The following AGBL1 variants were observed in gnomAD, a reference collection of about 807,000 sequenced individuals.
The protein encoded by AGBL1 is cytosolic carboxypeptidase 4.
In AGBL1, 130 loss-of-function variants were observed where a neutral mutation model predicts 118.9. The ratio of observed to expected loss-of-function variants is 1.09; its 90% CI spans 0.95 to 1.26. The LOEUF (loss-of-function observed/expected upper bound fraction) is 1.26. Ranked by LOEUF, AGBL1 falls within the 50% of genes most tolerant of loss-of-function variation. AGBL1 has a pLI of 0.00. For synonymous variants in AGBL1, 555 were observed against 478.9 expected, an observed-to-expected ratio of 1.16 and a Z score of -2.08; for missense variants, 1,584 against 1,298.1, an observed-to-expected ratio of 1.22 and a Z score of -3.38.
intron 17 of AGBL1, among the ~76,000 whole-genome samples, chr15:86,356,411 A>G (rs927398207): frequency 6.6e-6 from 1 of 152,184 alleles, no homozygotes; most frequent in Admixed American, 6.5e-5. Context: ...ATGAAAAAAA[A>G]TAGCTAAGGG....
chr15:86,975,730 A>G (rs1015050641), intron 23 of AGBL1, among the ~76,000 whole-genome samples: 7 of 151,954 alleles, frequency 4.6e-5, no homozygotes, highest in Non-Finnish European at 1.0e-4. Context: ...ACCATCCCAC[A>G]CTCAACCTGT....
chr15:86,856,395 A>G (rs1325276170), intron 22 of AGBL1, among the ~76,000 whole-genome samples: 1 of 152,220 alleles, frequency 6.6e-6, no homozygotes, highest in Non-Finnish European at 1.5e-5. Context: ...ATGGAAAAAA[A>G]CCTTATCTAC....
intron 18 of AGBL1, among the ~76,000 whole-genome samples, chr15:86,456,622 TC>T: frequency 6.6e-6 from 1 of 152,216 alleles, no homozygotes; most frequent in Non-Finnish European, 1.5e-5. Flanking sequence ...GGGGCAATAG[TC>T]CCCAAGGAGA....
At chr15:86,936,303 A>G (rs1003470163) in intron 23 of AGBL1, among the ~76,000 whole-genome samples, 1 of 152,094 alleles carries the variant, frequency 6.6e-6, no homozygotes, top group African/African-American at 2.4e-5. Context: ...CAACAGATAA[A>G]CAAGAAAAAA....
intron 22 of AGBL1, among the ~76,000 whole-genome samples, chr15:86,700,956 G>A (rs1160520565): frequency 1.3e-5 from 2 of 152,138 alleles, no homozygotes; most frequent in African/African-American, 4.8e-5. Context: ...GTGAAATGCT[G>A]TGAATCTGAG....
chr15:86,930,523 A>T (rs566379154), intron 23 of AGBL1, among the ~76,000 whole-genome samples: 3 of 152,156 alleles, frequency 2.0e-5, no homozygotes, highest in Non-Finnish European at 2.9e-5. Context: ...AGAGGTCATC[A>T]TTTCAATTTG....
rs117616069 is a variant in AGBL1 at position 86,658,972 on chromosome 15, G to A, written c.2995-15301G>A. 5.3e-3 allele frequency among the ~76,000 whole-genome samples: 810 copies of A among 152,226 alleles called. 4 individuals are homozygous for A. The highest frequency in any genetic ancestry group is 7.5e-3 in the Non-Finnish European group (512 of 68,014). On this transcript the variant is annotated intron_variant, in intron 21 of 22. Transcript: ENST00000614907. ...TTATAGTAACGGTCCCTTCATTTAC[G>A]CAGAACATGTGTTGGCTGGCTGTAC...
At chr15:86,967,459 G>T (rs147532360) in intron 23 of AGBL1, among the ~76,000 whole-genome samples, 6,352 of 152,084 alleles carry the variant, frequency 0.042, 164 homozygotes, top group Middle Eastern at 0.071. Context: ...TATGGTTTTA[G>T]GTCTAACATT....
intron 1 of AGBL1, among the ~76,000 whole-genome samples, chr15:86,110,965 T>C (rs1266783081): frequency 3.3e-5 from 5 of 152,208 alleles, no homozygotes; most frequent in Admixed American, 2.6e-4. Flanking sequence ...CCACCCAGTA[T>C]TGCTACAATT....
At position 86,108,454 on chromosome 15, in the gene AGBL1, G is replaced by C. The variant is rs538422499; in HGVS notation, c.51+28431G>C. Among the ~76,000 whole-genome samples, 7 of 152,316 alleles carry C rather than the reference G, an allele frequency of 4.6e-5. No individual in the cohort carries two copies. In the South Asian group the frequency reaches 1.5e-3, roughly 32 times the overall value. ...CATTGAGGAATAATTTAGTATGCCA[G>C]AATATAGGAGATTAGAGTGCACCCT... On this transcript the variant is annotated intron_variant, in intron 1 of 22. Coordinates refer to ENST00000614907, the MANE Select transcript of AGBL1 (RefSeq NM_001386094.1).
chr15:86,757,889 T>C (rs766369552), intron 22 of AGBL1, among the ~76,000 whole-genome samples: 37 of 152,264 alleles, frequency 2.4e-4, no homozygotes, highest in Admixed American at 2.0e-4. Flanking sequence ...ATTCTGATTT[T>C]AAAATGTAAG....
chr15:86,811,669 A>G (rs2078791948), intron 22 of AGBL1, among the ~76,000 whole-genome samples: 1 of 152,186 alleles, frequency 6.6e-6, no homozygotes, highest in Admixed American at 6.6e-5. Context: ...TAGAGGGCTC[A>G]GTCCCAAACA....
At position 86,505,095 on chromosome 15, in the gene AGBL1, C is replaced by A. The variant is rs75427679; in HGVS notation, c.2556-17715C>A. On this transcript the variant is annotated intron_variant, in intron 18 of 22. Coordinates refer to ENST00000614907, the MANE Select transcript of AGBL1 (RefSeq NM_001386094.1). ...AGTATATCATCTCACTGACTCTGGT[C>A]TCCACAGTTTCTGAAAAAAAAATTA... 4.6e-3 allele frequency among the ~76,000 whole-genome samples: 700 copies of A among 151,756 alleles called. 3 individuals are homozygous for A. The highest frequency in any genetic ancestry group is 6.9e-3 in the Non-Finnish European group (465 of 67,804).
intron 21 of AGBL1, among the ~76,000 whole-genome samples, chr15:86,624,685 C>T (rs902416976): frequency 2.0e-5 from 3 of 152,178 alleles, no homozygotes; most frequent in East Asian, 3.9e-4. Flanking sequence ...ACCCTTTCTT[C>T]CCCAGCAAAT....
intron 6 of AGBL1, among the ~76,000 whole-genome samples, chr15:86,231,004 C>T (rs941358504): frequency 3.9e-5 from 6 of 152,290 alleles, no homozygotes; most frequent in East Asian, 1.9e-4. Flanking sequence ...AGAGAGAGGG[C>T]GTGATCCACC....
At chr15:86,189,612 T>C (rs1016478142) in intron 5 of AGBL1, among the ~76,000 whole-genome samples, 13 of 152,126 alleles carry the variant, frequency 8.5e-5, no homozygotes, top group South Asian at 4.2e-4. Flanking sequence ...GGCACTTCCC[T>C]CCTCTCTCTC....
chr15:86,644,851 C>CAAAAAAAAA (rs11434077), intron 21 of AGBL1, among the ~76,000 whole-genome samples: 167 of 99,142 alleles, frequency 1.7e-3, no homozygotes, highest in African/African-American at 1.9e-3. Context: ...ACTAAAAATA[C>CAAAAAAAAA]AAAAAAAAAA....
chr15:86,648,227 A>G (rs2085317716), intron 21 of AGBL1, among the ~76,000 whole-genome samples: 1 of 152,128 alleles, frequency 6.6e-6, no homozygotes, highest in Admixed American at 6.5e-5. Context: ...GGGGAGGGCA[A>G]GAGTGGAAAG....
intron 22 of AGBL1, among the ~76,000 whole-genome samples, chr15:86,780,429 G>A (rs979974096): frequency 6.6e-6 from 1 of 151,838 alleles, no homozygotes; most frequent in African/African-American, 2.4e-5. Context: ...ATTGTTCTTT[G>A]ATATTACTTT....
Sources: gnomAD v4.1 joint callset for allele counts (sites outside exome capture counted in the v4.1 genomes callset) on GRCh38, gnomAD v4.1.1 for gene constraint, MANE v1.5 for transcripts, NCBI Gene and HGNC (gene_info 2026-07-23, HGNC 2026-07-21) for gene names.